Variants in MECOM observed in about 807,000 individuals in gnomAD.
MECOM encodes histone-lysine N-methyltransferase MECOM.
In MECOM, 13 loss-of-function variants were observed where a neutral mutation model predicts 116.3. The ratio of observed to expected loss-of-function variants is 0.11; its 90% CI spans 0.07 to 0.18. The LOEUF (loss-of-function observed/expected upper bound fraction) is 0.18. MECOM is among the 10% of genes least tolerant of loss of function. MECOM has a pLI of 1.00. For synonymous variants in MECOM, 528 were observed against 535.2 expected (o/e 0.99, Z 0.19); for missense variants, 1,299 against 1,509.0 (o/e 0.86, Z 2.31).
At position 169,486,006 on chromosome 3, in the gene MECOM, CTATATATATATGTATATATAGTAT is replaced by C. The variant is rs1752297123; in HGVS notation, c.38-104506_38-104483del. Among the ~76,000 whole-genome samples, 2 of 108,562 alleles carry C rather than the reference CTATATATATATGTATATATAGTAT, an allele frequency of 1.8e-5. 1 individual carries two copies. Among genetic ancestry groups the C allele is most frequent in the Non-Finnish European group, 3.5e-5 (2 of 57,708 alleles). The allele number at this position is 108,562 out of a possible 152,430, so 71.2% of individuals were successfully genotyped here. On this transcript the variant is annotated intron_variant, in intron 1 of 16. Transcript: ENST00000651503. ...TATAGTATATATATGTATATATATA[CTATATATATATGTATATATAGTAT>C]ATATATATATGTATATATATATACA... is the stretch of plus-strand genomic sequence containing the variant.
At chr3:169,246,747 C>T (rs1463451512) in intron 2 of MECOM, among the ~76,000 whole-genome samples, 1 of 152,060 alleles carries the variant, frequency 6.6e-6, no homozygotes, top group Non-Finnish European at 1.5e-5. Flanking sequence ...GTCTGGAACT[C>T]CTGACCTCAT....
At chr3:169,237,610 CAAAAAAAA>C (rs775383808) in intron 2 of MECOM, among the ~76,000 whole-genome samples, 1 of 80,644 alleles carries the variant, frequency 1.2e-5, no homozygotes, top group South Asian at 4.4e-4. Flanking sequence ...GTCTCCATCA[CAAAAAAAA>C]AAAAAAAAAA....
chr3:169,492,403 C>A (rs1275650640), intron 1 of MECOM, among the ~76,000 whole-genome samples: 1 of 152,148 alleles, frequency 6.6e-6, no homozygotes, highest in Non-Finnish European at 1.5e-5. Context: ...GTTTGGCCAA[C>A]CTCAGGACTT....
intron 1 of MECOM, among the ~76,000 whole-genome samples, chr3:169,437,593 G>A (rs985726290): frequency 2.0e-5 from 3 of 152,100 alleles, no homozygotes; most frequent in Non-Finnish European, 2.9e-5. Context: ...AATTCTTGGA[G>A]ACAAAAACCT....
At chr3:169,619,261 C>G (rs1560500665) in intron 1 of MECOM, among the ~76,000 whole-genome samples, 1 of 152,228 alleles carries the variant, frequency 6.6e-6, no homozygotes, top group Non-Finnish European at 1.5e-5. Flanking sequence ...TGCCGCTGTG[C>G]TGAGAAGGCC....
At chr3:169,363,523 G>GCAAT (rs1378323120) in intron 2 of MECOM, among the ~76,000 whole-genome samples, 1 of 151,854 alleles carries the variant, frequency 6.6e-6, no homozygotes, top group African/African-American at 2.4e-5. Context: ...CATTTAGTAT[G>GCAAT]CAATTTTCAC....
intron 1 of MECOM, among the ~76,000 whole-genome samples, chr3:169,533,592 A>ACC (rs1758939607): frequency 1.9e-5 from 1 of 53,990 alleles, no homozygotes; most frequent in African/African-American, 1.5e-4. Flanking sequence ...TTTTTTTTTT[A>ACC]TTTCCTTATG....
At chr3:169,406,437 A>G (rs1348876698) in intron 1 of MECOM, among the ~76,000 whole-genome samples, 6 of 152,206 alleles carry the variant, frequency 3.9e-5, no homozygotes, top group Non-Finnish European at 8.8e-5. Flanking sequence ...AAATTCCTTG[A>G]AAGAGCCACA....
chr3:169,097,817 T>TTAAAAAAAAAAAAAAAAA (rs1722127820), intron 12 of MECOM, among the ~76,000 whole-genome samples: 1 of 87,194 alleles, frequency 1.1e-5, no homozygotes, highest in Non-Finnish European at 2.2e-5. Flanking sequence ...ACTGTCTATA[T>TTAAAAAAAAAAAAAAAAA]AAAAAAAAAA....
intron 1 of MECOM, among the ~76,000 whole-genome samples, chr3:169,442,032 T>C (rs1236417949): frequency 1.3e-5 from 2 of 152,144 alleles, no homozygotes; most frequent in Non-Finnish European, 2.9e-5. Flanking sequence ...TTTAAGCAAT[T>C]TTCCTACCTC....
intron 12 of MECOM, 45 bp from the exon 13 acceptor site, chr3:169,095,290 G>A: frequency 6.5e-7 from 1 of 1,542,556 alleles, no homozygotes; most frequent in East Asian, 2.3e-5. Context: ...ACATTAAAAG[G>A]TATTTCTCAA....
intron 1 of MECOM, among the ~76,000 whole-genome samples, chr3:169,537,518 T>C (rs980916467): frequency 5.3e-4 from 80 of 152,290 alleles, no homozygotes; most frequent in Non-Finnish European, 1.6e-4. Flanking sequence ...TAAGTAGTTT[T>C]TGTTGACAAA....
At chr3:169,416,894 G>A (rs1227314203) in intron 1 of MECOM, among the ~76,000 whole-genome samples, 2 of 152,154 alleles carry the variant, frequency 1.3e-5, no homozygotes, top group East Asian at 1.9e-4. Flanking sequence ...TGGGAAAACT[G>A]GCTGGCCATA....
At chr3:169,623,230 A>T (rs549218265) in intron 1 of MECOM, among the ~76,000 whole-genome samples, 1 of 152,362 alleles carries the variant, frequency 6.6e-6, no homozygotes, top group African/African-American at 2.4e-5. Context: ...ATGACCATTG[A>T]TGATTTGTGC....
At chr3:169,556,137 G>A (rs929016179) in intron 1 of MECOM, among the ~76,000 whole-genome samples, 3 of 152,200 alleles carry the variant, frequency 2.0e-5, no homozygotes, top group Non-Finnish European at 4.4e-5. Context: ...AGGATGTCAT[G>A]TACAATAGTC....
At chr3:169,383,344 A>G (rs1428622879) in intron 1 of MECOM, among the ~76,000 whole-genome samples, 1 of 152,178 alleles carries the variant, frequency 6.6e-6, no homozygotes, top group Non-Finnish European at 1.5e-5. Flanking sequence ...ATTCAAGTTC[A>G]GCATGTCCAA....
At chr3:169,565,952 A>G (rs1231143953) in intron 1 of MECOM, 1 of 446,804 alleles carries the variant, frequency 2.2e-6, no homozygotes, top group South Asian at 1.6e-5. Flanking sequence ...TAAAGAAAAA[A>G]GGTTTAATCA....
intron 2 of MECOM, among the ~76,000 whole-genome samples, chr3:169,310,094 G>A (rs11928517): frequency 0.19 from 29,270 of 152,124 alleles, 4,379 homozygotes; most frequent in East Asian, 0.41. Context: ...ACTACTAAAA[G>A]TAACCAAAGC....
chr3:169,656,877 C>G (rs1015212396), intron 1 of MECOM, among the ~76,000 whole-genome samples: 3 of 152,190 alleles, frequency 2.0e-5, no homozygotes, highest in Non-Finnish European at 2.9e-5. Context: ...GTATGTACTT[C>G]TTAGAACAAC....
Sources: gnomAD v4.1 joint callset for allele counts (sites outside exome capture counted in the v4.1 genomes callset) on GRCh38, gnomAD v4.1.1 for gene constraint, MANE v1.5 for transcripts, NCBI Gene and HGNC (gene_info 2026-07-23, HGNC 2026-07-21) for gene names.